Variants in ACOT1 observed in about 807,000 individuals in gnomAD.
ACOT1 encodes the protein acyl-CoA thioesterase 1.
ACOT1 carries 8 observed loss-of-function variants against 15.7 expected under a neutral mutation model. That is an observed-to-expected ratio of 0.51 (90% CI 0.30 to 0.92). The LOEUF (loss-of-function observed/expected upper bound fraction) is 0.92. Ranked by LOEUF, ACOT1 falls within the 40% of genes least tolerant of loss-of-function variation. The probability of loss-of-function intolerance (pLI) is 0.06; values close to 1 mark genes in which losing one functional copy is unlikely to be tolerated. For missense variants in ACOT1, 151 were observed against 539.4 expected (o/e 0.28, Z 7.13); for synonymous variants, 67 against 241.2 (o/e 0.28, Z 6.69).
the ACOT1 span, chr14:73,495,316 C>T: frequency 1.6e-5 from 26 of 1,613,890 alleles, no homozygotes; most frequent in African/African-American, 1.6e-4. Flanking sequence ...CTTCCTCCCT[C>T]ACTTTTCCCA....
At chr14:73,521,042 T>C in the ACOT1 span, 6 of 1,612,234 alleles carry the variant, frequency 3.7e-6, no homozygotes, top group Non-Finnish European at 5.1e-6. Flanking sequence ...TGGGCAATCT[T>C]GGCAGGGGTG....
At chr14:73,532,375 G>A (rs1186295782), upstream of ACOT1, among the ~76,000 whole-genome samples, 2 of 116,086 alleles carry the variant, frequency 1.7e-5, 1 homozygote, top group African/African-American at 5.6e-5. Context: ...AATTTCACAC[G>A]TACAGAAATT....
chr14:73,523,328 G>C, the ACOT1 span: 1 of 598,828 alleles, frequency 1.7e-6, no homozygotes, highest in Admixed American at 3.1e-5. Flanking sequence ...ATGGAAAGGG[G>C]GTGGGGAAGA....
chr14:73,510,442 GT>G, the ACOT1 span, among the ~76,000 whole-genome samples: 5 of 146,850 alleles, frequency 3.4e-5, no homozygotes, highest in African/African-American at 7.4e-5. Context: ...TTTTGTTTTT[GT>G]TTTTTTTTTG....
the ACOT1 span, chr14:73,531,264 T>C: frequency 8.9e-6 from 1 of 112,802 alleles, no homozygotes; most frequent in Non-Finnish European, 1.9e-5. Flanking sequence ...AGCAACCAAC[T>C]CTTTAGAATT....
the ACOT1 span, chr14:73,521,038 A>C: frequency 1.2e-6 from 2 of 1,613,166 alleles, no homozygotes; most frequent in Non-Finnish European, 1.7e-6. Flanking sequence ...TAACTGGGCA[A>C]TCTTGGCAGG....
the ACOT1 span, chr14:73,493,014 T>TTTC: frequency 6.3e-7 from 1 of 1,579,710 alleles, no homozygotes; most frequent in South Asian, 1.2e-5. Flanking sequence ...TTTTTTTTTT[T>TTTC]TCCTTAAACT....
At chr14:73,511,231 T>C in the ACOT1 span, among the ~76,000 whole-genome samples, 1 of 151,988 alleles carries the variant, frequency 6.6e-6, no homozygotes, top group African/African-American at 2.4e-5. Flanking sequence ...TTTAAGATTT[T>C]GTCAGGTGCG....
the ACOT1 span, among the ~76,000 whole-genome samples, chr14:73,501,879 G>A: frequency 2.0e-5 from 3 of 151,496 alleles, no homozygotes; most frequent in South Asian, 2.1e-4. Context: ...TCAGCCTCCC[G>A]AATAGCTGGG....
At chr14:73,491,549 G>A in the ACOT1 span, 2 of 1,535,122 alleles carry the variant, frequency 1.3e-6, no homozygotes, top group Admixed American at 4.0e-5. Flanking sequence ...CACGGGTGGG[G>A]AGCCGGCCTG....
chr14:73,502,783 G>A, the ACOT1 span: 17 of 757,280 alleles, frequency 2.2e-5, no homozygotes, highest in South Asian at 7.4e-5. Flanking sequence ...TCCTGACCTC[G>A]TGATCCGCCC....
the ACOT1 span, among the ~76,000 whole-genome samples, chr14:73,513,876 A>C: frequency 6.6e-6 from 1 of 152,118 alleles, no homozygotes; most frequent in Non-Finnish European, 1.5e-5. Flanking sequence ...TCTAACACCC[A>C]ATGTGTGAAA....
the ACOT1 span, chr14:73,491,644 C>T: frequency 6.5e-6 from 10 of 1,549,768 alleles, no homozygotes; most frequent in East Asian, 2.2e-4. Flanking sequence ...TTGAGTGGCT[C>T]ATCGCGCCCA....
chr14:73,502,046 A>ATT, the ACOT1 span, among the ~76,000 whole-genome samples: 10 of 133,932 alleles, frequency 7.5e-5, no homozygotes, highest in South Asian at 2.4e-4. Flanking sequence ...CGCCCGGCCA[A>ATT]TTTTTTTTTT....
the ACOT1 span, chr14:73,519,205 C>G: frequency 5.1e-6 from 8 of 1,566,896 alleles, no homozygotes; most frequent in Non-Finnish European, 6.9e-6. Context: ...TATAACCTCC[C>G]TATTTCCTTT....
chr14:73,533,407 G>GCA (rs1373438172), upstream of ACOT1, among the ~76,000 whole-genome samples: 1 of 115,742 alleles, frequency 8.6e-6, no homozygotes, highest in Non-Finnish European at 1.9e-5. Context: ...GGCCAGGCGT[G>GCA]GTGGCTCAGG....
the ACOT1 span, among the ~76,000 whole-genome samples, chr14:73,500,176 G>A: frequency 6.6e-6 from 1 of 152,174 alleles, no homozygotes; most frequent in South Asian, 2.1e-4. Flanking sequence ...CTTGCAGTGA[G>A]CCGAGATGGC....
the ACOT1 span, among the ~76,000 whole-genome samples, chr14:73,524,310 A>AAAAAAAAAAAAATATATATAT: frequency 9.1e-5 from 5 of 54,780 alleles, no homozygotes; most frequent in African/African-American, 4.4e-4. Flanking sequence ...AAAAAAAAAA[A>AAAAAAAAAAAAATATATATAT]ATATATATAT....
At chr14:73,491,472 C>T in the ACOT1 span, 1 of 1,490,964 alleles carries the variant, frequency 6.7e-7, no homozygotes, top group Admixed American at 2.2e-5. Flanking sequence ...CTGTGCACCG[C>T]GCAACACTTA....
Sources: gnomAD v4.1 joint callset for allele counts (sites outside exome capture counted in the v4.1 genomes callset) on GRCh38, gnomAD v4.1.1 for gene constraint, MANE v1.5 for transcripts, NCBI Gene and HGNC (gene_info 2026-07-23, HGNC 2026-07-21) for gene names.